PIK3CD: variants seen among roughly 807,000 people sequenced by gnomAD.
The protein encoded by PIK3CD is phosphatidylinositol 4,5-bisphosphate 3-kinase catalytic subunit delta isoform.
In PIK3CD, 20 loss-of-function variants were observed where a neutral mutation model predicts 122.9. The ratio of observed to expected loss-of-function variants is 0.16; its 90% CI spans 0.11 to 0.24. The LOEUF (loss-of-function observed/expected upper bound fraction) is 0.24. Among genes scored for constraint, PIK3CD ranks in the 10% least tolerant of loss-of-function variants. The pLI is 1.00. For synonymous variants in PIK3CD, 596 were observed against 593.4 expected, an observed-to-expected ratio of 1.00 and a Z score of -0.06; for missense variants, 787 against 1,406.3, an observed-to-expected ratio of 0.56 and a Z score of 7.04.
In PIK3CD at chr1:9,721,124, C is replaced by A. The variant is rs754973687; in HGVS notation, c.1690-3C>A. Reference sequence around the variant, plus strand: ...CCCCAAGCCTGACCTCGGCTCCCCCCAGATGCTCTACCTGCTGTGCTCCTG... The same window carrying A: ...CCCCAAGCCTGACCTCGGCTCCCCCAAGATGCTCTACCTGCTGTGCTCCTG... On this transcript the variant is annotated splice_region_variant and splice_polypyrimidine_tract_variant and intron_variant, in intron 13 of 23. Coordinates refer to ENST00000377346, the MANE Select transcript of PIK3CD (RefSeq NM_005026.5). 1.2e-6 allele frequency: 2 copies of A among 1,610,692 alleles called. No individual in the cohort carries two copies. The highest frequency in any genetic ancestry group is 2.2e-5 in the East Asian group (1 of 44,854).
At chr1:9,711,361 T>C (rs1297847072) in intron 3 of PIK3CD, among the ~76,000 whole-genome samples, 1 of 152,114 alleles carries the variant, frequency 6.6e-6, no homozygotes, top group Non-Finnish European at 1.5e-5. Context: ...TCTTAAAGTG[T>C]TGGAATTACA....
intron 1 of PIK3CD, among the ~76,000 whole-genome samples, chr1:9,684,459 C>T (rs983705523): frequency 6.6e-6 from 1 of 151,408 alleles, no homozygotes; most frequent in Admixed American, 6.6e-5. Context: ...ATCGCTTGAA[C>T]CCAAGAGGCC....
chr1:9,664,041 C>CTTTCTTTCTTTTTTTTTTTTTTTT (rs1645086779), intron 1 of PIK3CD, among the ~76,000 whole-genome samples: 1 of 141,386 alleles, frequency 7.1e-6, no homozygotes, highest in Non-Finnish European at 1.5e-5. Context: ...TTTTCTTTTT[C>CTTTCTTTCTTTTTTTTTTTTTTTT]TTTCTTTCTT....
At position 9,712,390 on chromosome 1, in the gene PIK3CD, C is replaced by T. The variant is rs868150482; in HGVS notation, c.141+1794C>T. ...CCGCCTCCCAGGTTCAAGCAATTCT[C>T]CTGCCTCATCTTCCCAAGTAGCTGG... On this transcript the variant is annotated intron_variant, in intron 3 of 23. Coordinates refer to ENST00000377346, the MANE Select transcript of PIK3CD (RefSeq NM_005026.5). Among the ~76,000 whole-genome samples the T allele has an allele frequency of 9.2e-5, 14 of 152,198 alleles. No individual in the cohort carries two copies. In the Middle Eastern group the frequency reaches 0.01, roughly 112 times the overall value.
At chr1:9,686,402 G>A (rs940700064) in intron 1 of PIK3CD, among the ~76,000 whole-genome samples, 25 of 145,654 alleles carry the variant, frequency 1.7e-4, no homozygotes, top group Middle Eastern at 3.3e-3. Context: ...AGGTCTCACT[G>A]TTTTGCCCAG....
At position 9,710,302 on chromosome 1, in the gene PIK3CD, G is replaced by A; in HGVS notation, c.-32-122G>A. 1.2e-6 allele frequency: 1 copy of A among 821,852 alleles called. No homozygotes were observed. Among genetic ancestry groups the A allele is most frequent in the Non-Finnish European group, 2.1e-6 (1 of 479,880 alleles). The allele number at this position is 821,852 out of a possible 1,614,324, so 50.9% of individuals were successfully genotyped here. A position where few individuals can be genotyped will look rare whatever the true frequency, so the allele number is the denominator to read the frequency against. Reference sequence around the variant, plus strand: ...GGAGGTGAGCTTTTTGTACCCGCAGGTCGGGAACTCACTCCTGAGCTTCCT... The same window carrying A: ...GGAGGTGAGCTTTTTGTACCCGCAGATCGGGAACTCACTCCTGAGCTTCCT... On this transcript the variant is annotated intron_variant, in intron 2 of 23. Coordinates refer to ENST00000377346, the MANE Select transcript of PIK3CD (RefSeq NM_005026.5). The surrounding 1 kb of genome is among the most constrained non-coding windows in gnomAD (Gnocchi z 4.7).
intron 1 of PIK3CD, among the ~76,000 whole-genome samples, chr1:9,665,487 G>A (rs1002066747): frequency 6.6e-6 from 1 of 151,122 alleles, no homozygotes; most frequent in Non-Finnish European, 1.5e-5. Context: ...TTTACATTCC[G>A]CACAGGGCTG....
intron 1 of PIK3CD, among the ~76,000 whole-genome samples, 193 bp from the exon 2 acceptor site, chr1:9,691,274 G>A (rs1267846760): frequency 6.6e-6 from 1 of 152,234 alleles, no homozygotes. Context: ...TACCACCAAA[G>A]GGAGCTGGGG....
At chr1:9,685,890 T>G (rs994405739) in intron 1 of PIK3CD, among the ~76,000 whole-genome samples, 2 of 152,186 alleles carry the variant, frequency 1.3e-5, no homozygotes, top group Non-Finnish European at 2.9e-5. Flanking sequence ...TTAGCCTTCC[T>G]GGTCTTGTCC....
rs1647261269 is a variant in PIK3CD, at chr1:9,715,414, G to T, written c.142-127G>T. On this transcript the variant is annotated intron_variant, in intron 3 of 23. Transcript: ENST00000377346. This position sits in a 1 kb window ranked among gnomAD's most constrained non-coding sequence, Gnocchi z 4.1. ...GGGGCTGCAGAGAGTGCAGATCTTG[G>T]GGTCTGCCTCTGCCCTCTGGGAGGT... 1.3e-6 allele frequency: 1 copy of T among 749,504 alleles called. No homozygotes were observed. The highest frequency in any genetic ancestry group is 2.3e-6 in the Non-Finnish European group (1 of 434,260). The allele number at this position is 749,504 out of a possible 1,614,324, so 46.4% of individuals were successfully genotyped here. A position where few individuals can be genotyped will look rare whatever the true frequency, so the allele number is the denominator to read the frequency against.
chr1:9,637,459 T>A, the PIK3CD span, among the ~76,000 whole-genome samples: 550 of 152,282 alleles, frequency 3.6e-3, 10 homozygotes, highest in Admixed American at 2.3e-3. Context: ...GAGGCTGCAC[T>A]GAGCCATGAT....
At chr1:9,716,766 G>A in intron 6 of PIK3CD, 147 bp downstream of exon 6, 2 of 1,179,996 alleles carry the variant, frequency 1.7e-6, no homozygotes, top group East Asian at 2.5e-5. Flanking sequence ...TGGTAGGGCT[G>A]GCCCTCTCTG....
intron 5 of PIK3CD, 27 bp downstream of exon 5, chr1:9,716,105 C>G (rs1647379864): frequency 6.4e-7 from 1 of 1,565,056 alleles, no homozygotes. Context: ...CCTGCGGCAT[C>G]CAGGCTGCTC....
chr1:9,695,639 C>G (rs1041554765), intron 2 of PIK3CD, among the ~76,000 whole-genome samples: 11 of 152,072 alleles, frequency 7.2e-5, no homozygotes, highest in African/African-American at 2.7e-4. Context: ...GTCAGGAGTT[C>G]AAGACCAGCC....
At chr1:9,708,418 G>A (rs1646926297) in intron 2 of PIK3CD, among the ~76,000 whole-genome samples, 1 of 151,860 alleles carries the variant, frequency 6.6e-6, no homozygotes, top group Non-Finnish European at 1.5e-5. Context: ...CTGGCCTCAA[G>A]TCATCTGCCT....
In PIK3CD at chr1:9,727,144, A is replaced by G; in HGVS notation, c.*98A>G. On this transcript the variant is annotated 3_prime_UTR_variant, in exon 24 of 24. Coordinates refer to ENST00000377346, the MANE Select transcript of PIK3CD (RefSeq NM_005026.5). ...GGGCTGAAGAGCCTGAACTGCACCTAACGGGAAAGAACCGACATGGCTGCC... is the reference window on the plus strand; with the variant it reads ...GGGCTGAAGAGCCTGAACTGCACCTGACGGGAAAGAACCGACATGGCTGCC... 2 of 1,347,056 alleles carry G rather than the reference A, an allele frequency of 1.5e-6. 1 individual carries two copies. 83.4% of individuals were successfully genotyped at this position (1,347,056 alleles called of 1,614,324 possible).
At chr1:9,632,390 G>A in the PIK3CD span, among the ~76,000 whole-genome samples, 1 of 151,756 alleles carries the variant, frequency 6.6e-6, no homozygotes. Context: ...ACAGGTGCAA[G>A]GATAATGCAC....
At chr1:9,673,428 A>C (rs987087674) in intron 1 of PIK3CD, among the ~76,000 whole-genome samples, 2 of 151,756 alleles carry the variant, frequency 1.3e-5, no homozygotes, top group African/African-American at 4.8e-5. Flanking sequence ...CATCTGGCTA[A>C]TTTTTGTATT....
At position 9,723,159 on chromosome 1, in the gene PIK3CD, C is replaced by T. The variant is rs140820694; in HGVS notation, c.2461C>T (p.Arg821Cys). 5.8e-5 allele frequency: 94 copies of T among 1,613,636 alleles called. No homozygotes were observed. The highest frequency in any genetic ancestry group is 1.6e-4 in the Middle Eastern group (1 of 6,084). Reference sequence around the variant, plus strand: ...CTATGGCTGCCTCCCCACCGGGGACCGCACAGGCCTCATTGAGGTGGTACT... The same window carrying T: ...CTATGGCTGCCTCCCCACCGGGGACTGCACAGGCCTCATTGAGGTGGTACT... ...TPYGCLPTGD[R>C]TGLIEVVLRS... The change falls in exon 20 of 24, where the codon CGC becomes TGC. Residue 821 changes from arginine to cysteine, a missense_variant. Physicochemically the swap from Arg to Cys is radical, Grantham distance 180 (BLOSUM62 -3). Coordinates refer to ENST00000377346, the MANE Select transcript of PIK3CD (RefSeq NM_005026.5). The surrounding 1 kb of genome is among the most constrained non-coding windows in gnomAD (Gnocchi z 4.9).
Sources: allele counts gnomAD v4.1 joint callset (sites outside exome capture counted in the v4.1 genomes callset), GRCh38; gene constraint gnomAD v4.1.1; non-coding constraint Gnocchi (gnomAD v3.1); transcripts MANE v1.5; gene names NCBI Gene and HGNC (gene_info 2026-07-23, HGNC 2026-07-21).